The following MFHAS1 variants were observed in gnomAD, a reference collection of about 807,000 sequenced individuals.
MFHAS1 encodes malignant fibrous histiocytoma-amplified sequence 1.
Under a neutral mutation model 70.4 loss-of-function variants are expected in MFHAS1, and 50 were observed. That is an observed-to-expected ratio of 0.71 (90% CI 0.57 to 0.90). The LOEUF (loss-of-function observed/expected upper bound fraction) is 0.90. Among genes scored for constraint, MFHAS1 ranks in the 40% least tolerant of loss-of-function variants. The pLI, the probability that MFHAS1 is intolerant of heterozygous loss-of-function variation, is 0.00. For missense variants in MFHAS1, 1,795 were observed against 1,347.6 expected (o/e 1.33, Z -5.20); for synonymous variants, 952 against 620.0 (o/e 1.54, Z -7.96).
chr8:8,803,721 C>T (rs1806166730), intron 1 of MFHAS1, among the ~76,000 whole-genome samples: 1 of 151,916 alleles, frequency 6.6e-6, no homozygotes, highest in African/African-American at 2.4e-5. Context: ...CCTGTAATCC[C>T]AGCACTTTGG....
In MFHAS1 at chr8:8,891,583, C is replaced by T. The variant is rs529772352; in HGVS notation, c.1476G>A (p.Leu492=). 3.7e-6 allele frequency: 6 copies of T among 1,613,334 alleles called. No homozygotes were observed. The highest frequency in any genetic ancestry group is 1.3e-5 in the African/African-American group (1 of 75,060). Residue 492 remains leucine (L), a synonymous_variant, in exon 1 of 3, where the codon CTG becomes CTA. Transcript: ENST00000276282. This position sits in a 1 kb window ranked among gnomAD's most constrained non-coding sequence, Gnocchi z 5.4. The part of the protein sequence containing the change: ...ESYEVIQPFF[L]SPGALYVLVV... ...CCAGCACGTATAGGGCCCCTGGGGA[C>T]AGGAAGAAGGGCTGGATCACCTCAT...
chr8:8,891,693 T>C lies in MFHAS1; in HGVS notation c.1366A>G (p.Lys456Glu). The C allele has an allele frequency of 6.2e-7, 1 of 1,613,550 alleles. No individual in the cohort carries two copies. The highest frequency in any genetic ancestry group is 8.5e-7 in the Non-Finnish European group (1 of 1,180,018). Residue 456 changes from lysine to glutamate, a missense_variant, in exon 1 of 3, where the codon AAG (lysine) becomes GAG (glutamate). Physicochemically the swap from Lys to Glu is moderately conservative, Grantham distance 56 (BLOSUM62 1). Transcript: ENST00000276282. This position sits in a 1 kb window ranked among gnomAD's most constrained non-coding sequence, Gnocchi z 5.4. ...CYPPSPPPVSKGIEVTSWTAD... is the reference protein window; with the variant it reads ...CYPPSPPPVSEGIEVTSWTAD... The stretch of plus-strand genomic sequence containing the variant: ...GTCCAGCTGGTCACCTCGATGCCCT[T>C]GCTCACAGGGGGAGGTGACGGTGGG...
intron 2 of MFHAS1, 55 bp from the exon 3 acceptor site, chr8:8,786,110 G>C: frequency 6.9e-7 from 1 of 1,459,592 alleles, no homozygotes; most frequent in Non-Finnish European, 9.6e-7. Context: ...ACTGGACAAT[G>C]CTACCCTCAA....
intron 1 of MFHAS1, among the ~76,000 whole-genome samples, chr8:8,857,687 G>T (rs556528914): frequency 5.3e-5 from 8 of 151,828 alleles, no homozygotes; most frequent in Non-Finnish European, 1.2e-4. Flanking sequence ...TTGAACCCGG[G>T]AGGCAGAGGT....
intron 1 of MFHAS1, among the ~76,000 whole-genome samples, chr8:8,809,525 C>T (rs1806468320): frequency 6.6e-6 from 1 of 152,238 alleles, no homozygotes; most frequent in African/African-American, 2.4e-5. Context: ...CTTCCCGCCA[C>T]TCACTCGTCC....
At chr8:8,873,740 G>A (rs1254861323) in intron 1 of MFHAS1, among the ~76,000 whole-genome samples, 1 of 152,140 alleles carries the variant, frequency 6.6e-6, no homozygotes, top group East Asian at 1.9e-4. Context: ...GAAGATTTTT[G>A]TTTAGAAAAC....
intron 1 of MFHAS1, among the ~76,000 whole-genome samples, chr8:8,827,044 G>A (rs1249640269): frequency 6.6e-6 from 1 of 152,074 alleles, no homozygotes; most frequent in African/African-American, 2.4e-5. Context: ...CTTCCTTACT[G>A]ATATCCCGTA....
intron 1 of MFHAS1, among the ~76,000 whole-genome samples, chr8:8,841,163 T>C (rs1344223384): frequency 2.0e-5 from 3 of 152,210 alleles, no homozygotes; most frequent in African/African-American, 4.8e-5. Context: ...AAAATACCGA[T>C]GGCGGGCTGT....
intron 1 of MFHAS1, among the ~76,000 whole-genome samples, chr8:8,858,876 T>A (rs1354556462): frequency 6.6e-6 from 1 of 152,162 alleles, no homozygotes; most frequent in Non-Finnish European, 1.5e-5. Context: ...ACAACAAGGA[T>A]AAAGCATTCT....
chr8:8,815,940 T>A (rs1297001230), intron 1 of MFHAS1, among the ~76,000 whole-genome samples: 1 of 152,224 alleles, frequency 6.6e-6, no homozygotes, highest in Non-Finnish European at 1.5e-5. Context: ...AAACAAATTG[T>A]GGCATATTCG....
intron 1 of MFHAS1, among the ~76,000 whole-genome samples, chr8:8,850,375 C>T (rs1026593637): frequency 6.6e-6 from 1 of 152,154 alleles, no homozygotes; most frequent in Non-Finnish European, 1.5e-5. Flanking sequence ...AAAAACTTCC[C>T]ATATTAGAGA....
At position 8,891,302 on chromosome 8, in the gene MFHAS1, A is replaced by T. The variant is rs1563224891; in HGVS notation, c.1757T>A (p.Leu586Gln). 6.2e-7 allele frequency: 1 copy of T among 1,611,498 alleles called. No individual in the cohort carries two copies. ...VDEALARDFELRSASPHAAYY... is the reference protein window; with the variant it reads ...VDEALARDFEQRSASPHAAYY... ...GGCTGCGTGGGGGCTGGCAGAGCGC[A>T]GCTCGAAGTCCCGGGCCAGTGCCTC... is the stretch of plus-strand genomic sequence containing the variant. The change falls in exon 1 of 3, where the codon CTG (leucine) becomes CAG (glutamine). Residue 586 changes from leucine (L) to glutamine (Q), a missense_variant. By Grantham distance (113) the Leu-to-Gln change is moderately radical. Transcript: ENST00000276282. This position sits in a 1 kb window ranked among gnomAD's most constrained non-coding sequence, Gnocchi z 5.4.
In MFHAS1 at chr8:8,879,186, T is replaced by C. The variant is rs551917779; in HGVS notation, c.2998+10875A>G. Among the ~76,000 whole-genome samples the C allele has an allele frequency of 3.1e-4, 47 of 152,140 alleles. 2 individuals carry two copies. In the East Asian group the frequency reaches 6.8e-3, roughly 22 times the overall value. ...CAACACGATGAAACCCCGTCTCTAC[T>C]AAAAATACAAAAAAAACTAGCTGGG... On this transcript the variant is annotated intron_variant, in intron 1 of 2. Coordinates refer to ENST00000276282, the MANE Select transcript of MFHAS1 (RefSeq NM_004225.3).
chr8:8,828,751 G>A (rs995990357), intron 1 of MFHAS1, among the ~76,000 whole-genome samples: 1 of 152,174 alleles, frequency 6.6e-6, no homozygotes, highest in African/African-American at 2.4e-5. Context: ...CAGTCCTCAC[G>A]GCGTGCATAG....
At chr8:8,878,090 C>A (rs1396409134) in intron 1 of MFHAS1, among the ~76,000 whole-genome samples, 1 of 139,156 alleles carries the variant, frequency 7.2e-6, no homozygotes, top group Non-Finnish European at 1.7e-5. Flanking sequence ...TCTCTGAGAC[C>A]CCTGATGGCG....
rs1487076913 is a variant in MFHAS1 at position 8,890,242 on chromosome 8, G to A, written c.2817C>T (p.Asp939=). ...ATGCATGGCTAGCAATGGACAGGGT[G>A]TCTGGCTGCAGGACTCCCCTGGCAG... ...YRPARGVLQP[D]TLSIASHASL... The change falls in exon 1 of 3, where the codon GAC becomes GAT. Residue 939 remains aspartate, a synonymous_variant. Transcript: ENST00000276282. 8 of 1,614,154 alleles carry A rather than the reference G, an allele frequency of 5.0e-6. No individual in the cohort carries two copies. The Admixed American group carries it at 5.0e-5, about 10-fold the overall frequency.
chr8:8,813,506 T>C (rs1005824152), intron 1 of MFHAS1, among the ~76,000 whole-genome samples: 1 of 152,218 alleles, frequency 6.6e-6, no homozygotes, highest in Non-Finnish European at 1.5e-5. Context: ...GACAGTGATA[T>C]TGATGATCCT....
intron 1 of MFHAS1, among the ~76,000 whole-genome samples, chr8:8,826,264 G>GTGTGTA (rs1012594512): frequency 6.6e-6 from 1 of 151,756 alleles, no homozygotes; most frequent in African/African-American, 2.4e-5. Flanking sequence ...GTGTGTGTGT[G>GTGTGTA]TGTGTGTGTG....
intron 1 of MFHAS1, among the ~76,000 whole-genome samples, chr8:8,843,371 G>T (rs886123364): frequency 1.3e-5 from 2 of 152,030 alleles, no homozygotes; most frequent in African/African-American, 4.8e-5. Flanking sequence ...ATCACTTGAG[G>T]CCAGGAGTTC....
Sources: gnomAD v4.1 joint callset for allele counts (sites outside exome capture counted in the v4.1 genomes callset) on GRCh38, gnomAD v4.1.1 for gene constraint, Gnocchi (gnomAD v3.1) non-coding constraint, MANE v1.5 for transcripts, NCBI Gene and HGNC (gene_info 2026-07-23, HGNC 2026-07-21) for gene names.